Variants in HCN4 observed in about 807,000 individuals in gnomAD.
The protein encoded by HCN4 is hyperpolarization activated cyclic nucleotide gated potassium channel 4.
In HCN4, 29 loss-of-function variants were observed where a neutral mutation model predicts 76.9. The observed-to-expected ratio is 0.38, with a 90% CI of 0.28 to 0.51. The LOEUF (loss-of-function observed/expected upper bound fraction) is 0.51. Among genes scored for constraint, HCN4 ranks in the 20% least tolerant of loss-of-function variants. The pLI, the probability that HCN4 is intolerant of heterozygous loss-of-function variation, is 0.90. For synonymous variants in HCN4, 772 were observed against 762.5 expected (o/e 1.01, Z -0.21); for missense variants, 1,416 against 1,715.2 (o/e 0.83, Z 3.08).
Position 73,328,408 on chromosome 15 carries a change from T to C in HCN4, c.1590+1165A>G, listed in dbSNP as rs535229490. On this transcript the variant is annotated intron_variant, in intron 4 of 7. Transcript: ENST00000261917. This position sits in a 1 kb window ranked among gnomAD's most constrained non-coding sequence, Gnocchi z 4.0. ...CCTCAAATGCCAGGCTGGGAAAACA[T>C]GCTGAGGAGTTAATCTACATCTTCA... Among the ~76,000 whole-genome samples the C allele has an allele frequency of 6.6e-6, 1 of 151,930 alleles. No individual in the cohort carries two copies. The highest frequency in any genetic ancestry group is 6.6e-5 in the Admixed American group (1 of 15,262).
At position 73,368,205 on chromosome 15, in the gene HCN4, C is replaced by G; in HGVS notation, c.66G>C (p.Lys22Asn). The change falls in exon 1 of 8, where the codon AAG (lysine) becomes AAC (asparagine). Residue 22 changes from lysine (K) to asparagine (N), a missense_variant. Physicochemically the swap from Lys to Asn is moderately conservative, Grantham distance 94. Coordinates refer to ENST00000261917, the MANE Select transcript of HCN4 (RefSeq NM_005477.3). This position sits in a 1 kb window ranked among gnomAD's most constrained non-coding sequence, Gnocchi z 6.9. ...LYSLPQQVGA[K>N]AWIMDEEEDA... ...CCTCTTCCTCGTCCATGATCCACGC[C>G]TTGGCCCCCACCTGCTGCGGGAGGC... is the stretch of plus-strand genomic sequence containing the variant. 1 of 1,533,036 alleles carries G rather than the reference C, an allele frequency of 6.5e-7. No individual in the cohort carries two copies. Among genetic ancestry groups the G allele is most frequent in the Non-Finnish European group, 8.8e-7 (1 of 1,141,620 alleles). 95.0% of individuals were successfully genotyped at this position (1,533,036 alleles called of 1,614,324 possible).
chr15:73,329,113 CA>C lies in HCN4; in HGVS notation c.1590+459del, dbSNP rs1338483510. ...CCGGGGCCCCAGACAGAGGGAGGGT[CA>C]GGGGCGAGGCCCGGGCCACTGGGGA... On this transcript the variant is annotated intron_variant, in intron 4 of 7. Transcript: ENST00000261917. Among the ~76,000 whole-genome samples, 3 of 152,144 alleles carry C rather than the reference CA, an allele frequency of 2.0e-5. No homozygotes were observed. The East Asian group carries it at 5.8e-4, about 29-fold the overall frequency.
In HCN4 at chr15:73,322,988, TG is replaced by T; in HGVS notation, c.3104del (p.Pro1035GlnfsTer146). 2 of 1,418,606 alleles carry T rather than the reference TG, an allele frequency of 1.4e-6. No individual in the cohort carries two copies. Among genetic ancestry groups the T allele is most frequent in the Non-Finnish European group, 9.2e-7 (1 of 1,086,322 alleles). 87.9% of individuals were successfully genotyped at this position (1,418,606 alleles called of 1,614,324 possible). The stretch of plus-strand genomic sequence containing the variant: ...GGGGCGGGGCACTCGGGAAGGTTCT[TG>T]GGGGGCCTGGGCTGTGGCCAGGGGG... ...LSPPGHSPGP[P>X]RTFPSAPPRA... On this transcript the variant is annotated frameshift_variant, in exon 8 of 8. Coordinates refer to ENST00000261917, the MANE Select transcript of HCN4 (RefSeq NM_005477.3). LOFTEE classifies it high-confidence loss of function.
intron 2 of HCN4, among the ~76,000 whole-genome samples, chr15:73,336,374 G>A (rs937780064): frequency 2.6e-5 from 4 of 152,174 alleles, no homozygotes; most frequent in South Asian, 2.1e-4. Flanking sequence ...ACAAGGGGCT[G>A]TGGAGACCGG....
chr15:73,324,962 G>C lies in HCN4; in HGVS notation c.1971C>G (p.Tyr657Ter). 6.2e-7 allele frequency: 1 copy of C among 1,614,084 alleles called. No individual in the cohort carries two copies. The highest frequency in any genetic ancestry group is 8.5e-7 in the Non-Finnish European group (1 of 1,180,018). ...GGCCCAGGGCTGCCTCACCTCCAAAGTAGGAGCCGTCGGCCAGCTTGGTCT... is the reference window on the plus strand; with the variant it reads ...GGCCCAGGGCTGCCTCACCTCCAAACTAGGAGCCGTCGGCCAGCTTGGTCT... ...NKETKLADGS[Y>*]FGEICLLTRG... is the part of the protein sequence containing the mutation. Residue 657 changes from tyrosine to a stop codon, truncating the protein, a stop_gained, in exon 6 of 8, where the codon TAC becomes TAG. Coordinates refer to ENST00000261917, the MANE Select transcript of HCN4 (RefSeq NM_005477.3). LOFTEE classifies it high-confidence loss of function.
chr15:73,325,343 G>A lies in HCN4; in HGVS notation c.1692C>T (p.Phe564=), dbSNP rs770857939. The change falls in exon 5 of 8, where the codon TTC becomes TTT. Residue 564 remains phenylalanine (F), a synonymous_variant. Transcript: ENST00000261917. This position sits in a 1 kb window ranked among gnomAD's most constrained non-coding sequence, Gnocchi z 7.4. ...GCTCGCCCAGGATGCTCTCCTCGTCGAACATCTTGCCCTGGTAGCGGTGCT... is the reference window on the plus strand; with the variant it reads ...GCTCGCCCAGGATGCTCTCCTCGTCAAACATCTTGCCCTGGTAGCGGTGCT... The part of the protein sequence containing the change: ...YYEHRYQGKM[F]DEESILGELS... 9 of 1,613,886 alleles carry A rather than the reference G, an allele frequency of 5.6e-6. No individual in the cohort carries two copies. Among genetic ancestry groups the A allele is most frequent in the African/African-American group, 4.0e-5 (3 of 74,918 alleles).
At chr15:73,333,463 A>G (rs1448996054) in intron 2 of HCN4, among the ~76,000 whole-genome samples, 11 of 152,142 alleles carry the variant, frequency 7.2e-5, no homozygotes, top group African/African-American at 2.7e-4. Context: ...AAACAGACAG[A>G]GCCTAGATAT....
rs981385410 is a variant in HCN4, at chr15:73,332,252, C to T, written c.1250G>A (p.Arg417His). The T allele has an allele frequency of 4.3e-6, 7 of 1,614,190 alleles. No homozygotes were observed. Among genetic ancestry groups the T allele is most frequent in the South Asian group, 1.1e-5 (1 of 91,078 alleles). Reference sequence around the variant, plus strand: ...CATCATGCCGATGAGGTTCACGATGCGCACCACGGCGCTGGCCAGGTCGTA... The same window carrying T: ...CATCATGCCGATGAGGTTCACGATGTGCACCACGGCGCTGGCCAGGTCGTA... ...MTYDLASAVVRIVNLIGMMLL... is the reference protein window; with the variant it reads ...MTYDLASAVVHIVNLIGMMLL... The change falls in exon 3 of 8, where the codon CGC (arginine) becomes CAC (histidine). Residue 417 changes from arginine (R) to histidine (H), a missense_variant. By Grantham distance (29) the Arg-to-His change is conservative. Transcript: ENST00000261917.
chr15:73,336,359 C>T (rs1193648151), intron 2 of HCN4, among the ~76,000 whole-genome samples: 1 of 152,154 alleles, frequency 6.6e-6, no homozygotes, highest in African/African-American at 2.4e-5. Context: ...TGTGTTGCCG[C>T]CATCACAAGG....
chr15:73,325,038 ATCT>A lies in HCN4; in HGVS notation c.1892_1894del (p.Lys631del), dbSNP rs1160569766. On this transcript the variant is annotated inframe_deletion, in exon 6 of 8. Coordinates refer to ENST00000261917, the MANE Select transcript of HCN4 (RefSeq NM_005477.3). The surrounding 1 kb of genome is among the most constrained non-coding windows in gnomAD (Gnocchi z 7.4). ...GACCACGCCATGCTGGATGAAGTAC[ATCT>A]TCTTGCCAATGGTGCCTTCCCGGAT... 1.2e-6 allele frequency: 2 copies of A among 1,614,182 alleles called. No individual in the cohort carries two copies. Among genetic ancestry groups the A allele is most frequent in the Non-Finnish European group, 8.5e-7 (1 of 1,180,024 alleles).
chr15:73,357,477 T>A (rs2043086415), intron 1 of HCN4, among the ~76,000 whole-genome samples: 1 of 152,126 alleles, frequency 6.6e-6, no homozygotes, highest in African/African-American at 2.4e-5. Flanking sequence ...GCAGTCTGCA[T>A]GGGTCCTCAC....
In HCN4 at chr15:73,324,935, A is replaced by G. The variant is rs1595820794; in HGVS notation, c.1978+20T>C. On this transcript the variant is annotated intron_variant, in intron 6 of 7. Transcript: ENST00000261917. ...CCTGGGAGCAGCTGCCCTGTCCCCC[A>G]GGGCCCAGGGCTGCCTCACCTCCAA... 1 of 1,613,520 alleles carries G rather than the reference A, an allele frequency of 6.2e-7. No homozygotes were observed. The highest frequency in any genetic ancestry group is 8.5e-7 in the Non-Finnish European group (1 of 1,179,884).
At position 73,365,715 on chromosome 15, in the gene HCN4, C is replaced by T. The variant is rs979169466; in HGVS notation, c.785+1771G>A. Among the ~76,000 whole-genome samples the T allele has an allele frequency of 1.8e-4, 28 of 152,200 alleles. 1 individual carries two copies. Among genetic ancestry groups the T allele is most frequent in the Non-Finnish European group, 1.5e-5 (1 of 68,046 alleles). On this transcript the variant is annotated intron_variant, in intron 1 of 7. Transcript: ENST00000261917. ...TGCTGCTGAGGGAGGCTGGGCATGC[C>T]TGGGGTTGGCCTCTTGTAGGCTCCC...
chr15:73,321,763 G>GCA lies in HCN4; in HGVS notation c.*716_*717dup, dbSNP rs2151213319. The GCA allele has an allele frequency of 7.0e-6, 1 of 143,622 alleles. No homozygotes were observed. Among genetic ancestry groups the GCA allele is most frequent in the Admixed American group, 7.1e-5 (1 of 14,026 alleles). 8.9% of individuals were successfully genotyped at this position (143,622 alleles called of 1,614,324 possible). Reference sequence around the variant, plus strand: ...AGAGAACGTCCCTAGACCATGCAGTGCACAGCCTGTGGGCCAAGGCGGGTT... The same window carrying GCA: ...AGAGAACGTCCCTAGACCATGCAGTGCACACAGCCTGTGGGCCAAGGCGGGTT... On this transcript the variant is annotated 3_prime_UTR_variant, in exon 8 of 8. Transcript: ENST00000261917.
chr15:73,359,023 T>C (rs1322521660), intron 1 of HCN4, among the ~76,000 whole-genome samples: 1 of 152,214 alleles, frequency 6.6e-6, no homozygotes, highest in African/African-American at 2.4e-5. Flanking sequence ...GATAATGTAT[T>C]AGCCAGCCCC....
intron 1 of HCN4, among the ~76,000 whole-genome samples, chr15:73,344,084 G>A (rs558444573): frequency 2.6e-5 from 4 of 152,254 alleles, no homozygotes; most frequent in Middle Eastern, 6.8e-3. Flanking sequence ...TCCCCAGCCC[G>A]CAGTAAGAGT....
At chr15:73,337,267 C>T (rs546560866) in intron 2 of HCN4, among the ~76,000 whole-genome samples, 3 of 152,350 alleles carry the variant, frequency 2.0e-5, no homozygotes, top group East Asian at 1.9e-4. Flanking sequence ...CACTGACTTG[C>T]GTGCTGCTGC....
At chr15:73,330,303 T>C (rs921224985) in intron 3 of HCN4, among the ~76,000 whole-genome samples, 10 of 152,220 alleles carry the variant, frequency 6.6e-5, no homozygotes, top group Non-Finnish European at 1.2e-4. Context: ...AGCTGTGAGC[T>C]AACGGGCCTC....
At chr15:73,336,251 G>C (rs559207961) in intron 2 of HCN4, among the ~76,000 whole-genome samples, 1 of 152,242 alleles carries the variant, frequency 6.6e-6, no homozygotes, top group African/African-American at 2.4e-5. Flanking sequence ...GAATTCTGCT[G>C]AAAGTTTCTT....
Sources: gnomAD v4.1 joint callset for allele counts (sites outside exome capture counted in the v4.1 genomes callset) on GRCh38, gnomAD v4.1.1 for gene constraint, Gnocchi (gnomAD v3.1) non-coding constraint, MANE v1.5 for transcripts, NCBI Gene and HGNC (gene_info 2026-07-23, HGNC 2026-07-21) for gene names.